The following CENPP variants were observed in gnomAD, a reference collection of about 807,000 sequenced individuals.
The protein encoded by CENPP is centromere protein P.
In CENPP, 24 loss-of-function variants were observed where a neutral mutation model predicts 35.6. The observed-to-expected ratio is 0.67, with a 90% CI of 0.49 to 0.95. The LOEUF (loss-of-function observed/expected upper bound fraction) is 0.95, where lower values mean the gene tolerates loss of function less well. Ranked by LOEUF, CENPP falls within the 40% of genes least tolerant of loss-of-function variation. The probability of loss-of-function intolerance (pLI) is 0.00; values close to 1 mark genes in which losing one functional copy is unlikely to be tolerated. For synonymous variants in CENPP, 120 were observed against 125.5 expected, an observed-to-expected ratio of 0.96 and a Z score of 0.29; for missense variants, 332 against 345.3, an observed-to-expected ratio of 0.96 and a Z score of 0.31.
chr9:92,619,634 C>A lies in CENPP; in HGVS notation c.*6485C>A. 3 of 1,362,978 alleles carry A rather than the reference C, an allele frequency of 2.2e-6. No individual in the cohort carries two copies. The highest frequency in any genetic ancestry group is 2.0e-6 in the Non-Finnish European group (2 of 978,638). The allele number at this position is 1,362,978 out of a possible 1,614,324, so 84.4% of individuals were successfully genotyped here. A position where few individuals can be genotyped will look rare whatever the true frequency, so the allele number is the denominator to read the frequency against. The stretch of plus-strand genomic sequence containing the variant: ...TCTGCCCCCCCACACAACCTTCCTT[C>A]CCAGTAGCCAAGTGTGGGAACTGCT... On this transcript the variant is annotated 3_prime_UTR_variant, in exon 8 of 8. Coordinates refer to ENST00000375587, the MANE Select transcript of CENPP (RefSeq NM_001012267.3).
chr9:92,436,889 A>G (rs971041085), intron 5 of CENPP, among the ~76,000 whole-genome samples: 1 of 152,144 alleles, frequency 6.6e-6, no homozygotes, highest in Non-Finnish European at 1.5e-5. Flanking sequence ...TAAATTTTAG[A>G]ATGATCTTGT....
chr9:92,461,182 A>G (rs1371518197), intron 5 of CENPP, among the ~76,000 whole-genome samples: 2 of 152,096 alleles, frequency 1.3e-5, no homozygotes, highest in Non-Finnish European at 2.9e-5. Context: ...TTAAAGTCAA[A>G]TCTTATACAT....
intron 5 of CENPP, among the ~76,000 whole-genome samples, chr9:92,577,433 T>C (rs1850310503): frequency 6.6e-6 from 1 of 152,174 alleles, no homozygotes; most frequent in Non-Finnish European, 1.5e-5. Context: ...ATTCTTATTA[T>C]GAAATACCAT....
chr9:92,532,917 A>AAATAC (rs1453220657), intron 5 of CENPP, among the ~76,000 whole-genome samples: 1 of 151,988 alleles, frequency 6.6e-6, no homozygotes, highest in East Asian at 1.9e-4. Context: ...ATACTTGAGA[A>AAATAC]TTTGCGTCTG....
At chr9:92,510,167 C>G in intron 5 of CENPP, 6 of 897,588 alleles carry the variant, frequency 6.7e-6, no homozygotes, top group Non-Finnish European at 9.5e-6. Flanking sequence ...CCAGGCCACA[C>G]AGCAAACCCC....
chr9:92,355,988 TAG>T (rs997047772), intron 4 of CENPP, among the ~76,000 whole-genome samples: 3 of 152,214 alleles, frequency 2.0e-5, no homozygotes, highest in African/African-American at 7.2e-5. Flanking sequence ...TTAAAATTGA[TAG>T]AGTTTCTAAA....
At chr9:92,327,125 C>G (rs1172812050) in intron 1 of CENPP, among the ~76,000 whole-genome samples, 1 of 152,236 alleles carries the variant, frequency 6.6e-6, no homozygotes, top group Non-Finnish European at 1.5e-5. Flanking sequence ...TCCTGACCTA[C>G]TGAATCAGAA....
At chr9:92,374,615 T>C (rs541534286) in intron 4 of CENPP, among the ~76,000 whole-genome samples, 2 of 152,336 alleles carry the variant, frequency 1.3e-5, no homozygotes, top group Non-Finnish European at 2.9e-5. Context: ...TATCTATGTT[T>C]CTCCCCCTTA....
chr9:92,344,885 T>C (rs970753181), intron 3 of CENPP, among the ~76,000 whole-genome samples: 6 of 147,974 alleles, frequency 4.1e-5, no homozygotes, highest in Non-Finnish European at 6.0e-5. Flanking sequence ...TGGCATCTTA[T>C]CGGCCAGGCG....
rs781234688 is a variant in CENPP, at chr9:92,416,852, A to C, written c.564+36993A>C. ...TGAATTATTTTCTAAAGACAGATAC[A>C]TAAGTGAAGAAGGCAAACCAGGAGG... is the stretch of plus-strand genomic sequence containing the variant. On this transcript the variant is annotated intron_variant, in intron 5 of 7. Coordinates refer to ENST00000375587, the MANE Select transcript of CENPP (RefSeq NM_001012267.3). The C allele has an allele frequency of 5.6e-6, 9 of 1,613,838 alleles. No homozygotes were observed. The East Asian group carries it at 2.0e-4, about 36-fold the overall frequency.
intron 5 of CENPP, among the ~76,000 whole-genome samples, chr9:92,556,815 A>G (rs1323802521): frequency 6.6e-6 from 1 of 152,164 alleles, no homozygotes; most frequent in African/African-American, 2.4e-5. Flanking sequence ...TAAGTGGAGC[A>G]CTTAGGCCAT....
chr9:92,600,129 G>A (rs1428877658), intron 5 of CENPP: 3 of 433,446 alleles, frequency 6.9e-6, no homozygotes, highest in Non-Finnish European at 1.2e-5. Flanking sequence ...TACAGACACT[G>A]AAGTCTGAAG....
At chr9:92,611,826 G>C (rs1851262474) in intron 6 of CENPP, among the ~76,000 whole-genome samples, 1 of 152,230 alleles carries the variant, frequency 6.6e-6, no homozygotes, top group Non-Finnish European at 1.5e-5. Flanking sequence ...CCCGTGCCGT[G>C]TTCTCCATCC....
intron 5 of CENPP, among the ~76,000 whole-genome samples, chr9:92,586,832 G>A (rs1480469975): frequency 1.3e-5 from 2 of 152,174 alleles, no homozygotes; most frequent in African/African-American, 4.8e-5. Flanking sequence ...TGGAAAAGTT[G>A]TTAAGCAGAC....
At chr9:92,537,001 G>T (rs563962496) in intron 5 of CENPP, among the ~76,000 whole-genome samples, 38 of 151,604 alleles carry the variant, frequency 2.5e-4, no homozygotes, top group African/African-American at 9.2e-4. Context: ...TCCCGAGTAG[G>T]TGGGCTTAAA....
intron 5 of CENPP, among the ~76,000 whole-genome samples, chr9:92,567,108 G>T (rs1176732778): frequency 6.6e-6 from 1 of 151,998 alleles, no homozygotes; most frequent in Non-Finnish European, 1.5e-5. Flanking sequence ...AAAAGCTGAG[G>T]GAGTATGTTA....
chr9:92,507,001 G>A (rs959040498), intron 5 of CENPP, among the ~76,000 whole-genome samples: 8 of 152,118 alleles, frequency 5.3e-5, no homozygotes, highest in African/African-American at 1.7e-4. Flanking sequence ...TCCGCCTCCC[G>A]GGTTCAAGCA....
intron 5 of CENPP, chr9:92,404,621 C>A (rs1843250675): frequency 7.8e-7 from 1 of 1,282,214 alleles, no homozygotes; most frequent in Non-Finnish European, 1.0e-6. Flanking sequence ...AGTAAAATTT[C>A]AGGGCCCAGC....
intron 5 of CENPP, among the ~76,000 whole-genome samples, chr9:92,461,365 C>T (rs550702592): frequency 5.3e-5 from 8 of 152,100 alleles, no homozygotes; most frequent in African/African-American, 9.7e-5. Flanking sequence ...GTCTCAAATA[C>T]GTCATTTTAC....
Sources: gnomAD v4.1 joint callset for allele counts (sites outside exome capture counted in the v4.1 genomes callset) on GRCh38, gnomAD v4.1.1 for gene constraint, MANE v1.5 for transcripts, NCBI Gene and HGNC (gene_info 2026-07-23, HGNC 2026-07-21) for gene names.